UMAD1: variants seen among roughly 807,000 people sequenced by gnomAD.
UMAD1 encodes UBAP1-MVB12-associated (UMA) domain containing 1, also known as UBAP1-MVB12-associated (UMA)-domain containing protein 1.
Under a neutral mutation model 6.1 loss-of-function variants are expected in UMAD1, and 8 were observed. The observed-to-expected ratio is 1.30, with a 90% CI of 0.76 to 2.35. The LOEUF (loss-of-function observed/expected upper bound fraction) is 2.35, where lower values mean the gene tolerates loss of function less well. UMAD1 is among the 30% of genes most tolerant of loss of function. The probability of loss-of-function intolerance (pLI) is 0.00; values close to 1 mark genes in which losing one functional copy is unlikely to be tolerated. For missense variants in UMAD1, 130 were observed against 78.4 expected (o/e 1.66, Z -2.49); for synonymous variants, 56 against 31.4 (o/e 1.78, Z -2.61).
chr7:7,784,552 A>G (rs1260460726), intron 2 of UMAD1, among the ~76,000 whole-genome samples: 1 of 149,998 alleles, frequency 6.7e-6, no homozygotes, highest in African/African-American at 2.5e-5. Context: ...TCACTGTGTT[A>G]GCCAGGATGG....
At chr7:7,801,875 C>A in intron 3 of UMAD1, 132 bp downstream of exon 3, 1 of 624,372 alleles carries the variant, frequency 1.6e-6, no homozygotes, top group South Asian at 2.0e-5. Flanking sequence ...AACAAGTGGT[C>A]TGCTGAAAGT....
At chr7:7,779,176 AGGTTATCCT>A (rs1782290430) in intron 2 of UMAD1, among the ~76,000 whole-genome samples, 2 of 152,230 alleles carry the variant, frequency 1.3e-5, no homozygotes, top group South Asian at 4.1e-4. Context: ...AGTGAGAGAT[AGGTTATCCT>A]CTGGCTCAAA....
intron 1 of UMAD1, among the ~76,000 whole-genome samples, chr7:7,644,550 C>T (rs886353914): frequency 6.6e-6 from 1 of 152,120 alleles, no homozygotes; most frequent in Non-Finnish European, 1.5e-5. Context: ...CTAGAATTCA[C>T]TCTTCATGTA....
intron 1 of UMAD1, among the ~76,000 whole-genome samples, chr7:7,660,255 A>G (rs529987503): frequency 8.7e-4 from 132 of 152,192 alleles, no homozygotes; most frequent in African/African-American, 2.8e-3. Flanking sequence ...TCTTTATCCA[A>G]TTTGCCAGTC....
intron 1 of UMAD1, among the ~76,000 whole-genome samples, chr7:7,648,144 T>C (rs949184839): frequency 1.3e-5 from 2 of 152,210 alleles, no homozygotes; most frequent in Admixed American, 1.3e-4. Flanking sequence ...AGTGGCCTCC[T>C]TCTTCTTAAA....
chr7:7,656,365 G>C (rs1212389360), intron 1 of UMAD1, among the ~76,000 whole-genome samples: 1 of 150,482 alleles, frequency 6.6e-6, no homozygotes, highest in African/African-American at 2.4e-5. Flanking sequence ...TGTACAGAAC[G>C]TGCAGGTTTG....
intron 1 of UMAD1, among the ~76,000 whole-genome samples, chr7:7,655,560 C>T (rs1785320391): frequency 6.6e-6 from 1 of 152,096 alleles, no homozygotes; most frequent in African/African-American, 2.4e-5. Flanking sequence ...AGTATTTTAG[C>T]TGTGCTGTTT....
At chr7:7,724,012 G>A (rs1390128170) in intron 2 of UMAD1, among the ~76,000 whole-genome samples, 1 of 152,120 alleles carries the variant, frequency 6.6e-6, no homozygotes, top group Non-Finnish European at 1.5e-5. Flanking sequence ...TTCCAGAATT[G>A]AGCCAGTTTA....
At chr7:7,840,181 G>A (rs1783650985) in intron 3 of UMAD1, among the ~76,000 whole-genome samples, 2 of 152,124 alleles carry the variant, frequency 1.3e-5, no homozygotes, top group African/African-American at 4.8e-5. Context: ...AGGTAAATAG[G>A]GTTCTGGGGT....
chr7:7,743,244 A>G (rs529862654), intron 2 of UMAD1, among the ~76,000 whole-genome samples: 1 of 152,314 alleles, frequency 6.6e-6, no homozygotes, highest in African/African-American at 2.4e-5. Context: ...GATAAAATGT[A>G]GTGTGAATTG....
chr7:7,779,503 T>C (rs1296582321), intron 2 of UMAD1, among the ~76,000 whole-genome samples: 1 of 152,186 alleles, frequency 6.6e-6, no homozygotes, highest in Non-Finnish European at 1.5e-5. Flanking sequence ...AATCTTGGCC[T>C]TAAGTGATCC....
At chr7:7,710,220 C>T (rs1405682598) in intron 2 of UMAD1, among the ~76,000 whole-genome samples, 1 of 151,662 alleles carries the variant, frequency 6.6e-6, no homozygotes, top group Non-Finnish European at 1.5e-5. Context: ...TTTTGTTTTC[C>T]TAAAAACAGT....
At chr7:7,708,938 TGAGAGAGAGAGAGGGA>T (rs1780678526) in intron 2 of UMAD1, among the ~76,000 whole-genome samples, 1 of 150,552 alleles carries the variant, frequency 6.6e-6, no homozygotes, top group Non-Finnish European at 1.5e-5. Flanking sequence ...TGTGTGTGTG[TGAGAGAGAGAGAGGGA>T]GAGAGAGAGA....
chr7:7,845,018 A>G (rs73057755), intron 3 of UMAD1, among the ~76,000 whole-genome samples: 45,926 of 151,982 alleles, frequency 0.3, 7,606 homozygotes, highest in Non-Finnish European at 0.37. Context: ...ATTACATAAT[A>G]GACTTCTAGG....
At chr7:7,769,899 C>T (rs1004608795) in intron 2 of UMAD1, among the ~76,000 whole-genome samples, 7 of 152,160 alleles carry the variant, frequency 4.6e-5, no homozygotes, top group African/African-American at 1.4e-4. Context: ...ACACTCTTCC[C>T]GCTTCTCCTG....
intron 2 of UMAD1, among the ~76,000 whole-genome samples, chr7:7,689,171 G>C (rs1780111981): frequency 1.3e-5 from 2 of 152,066 alleles, no homozygotes; most frequent in Admixed American, 1.3e-4. Context: ...ATTGGCTTAG[G>C]AATGGGCACC....
intron 3 of UMAD1, among the ~76,000 whole-genome samples, chr7:7,835,079 G>A (rs79131252): frequency 0.03 from 4,520 of 152,268 alleles, 112 homozygotes; most frequent in African/African-American, 0.056. Flanking sequence ...TTTACAGTTC[G>A]AGGTGAGATT....
chr7:7,872,324 G>T (rs1475842721), intron 3 of UMAD1, among the ~76,000 whole-genome samples: 5 of 152,134 alleles, frequency 3.3e-5, no homozygotes, highest in Non-Finnish European at 5.9e-5. Context: ...CTAAACAAAT[G>T]TACATGTCTT....
intron 2 of UMAD1, among the ~76,000 whole-genome samples, chr7:7,721,967 C>T (rs1391114850): frequency 6.6e-6 from 1 of 152,070 alleles, no homozygotes; most frequent in Non-Finnish European, 1.5e-5. Context: ...CGTGAAAAGG[C>T]TAGACTGGCT....
Sources: gnomAD v4.1 joint callset for allele counts (sites outside exome capture counted in the v4.1 genomes callset) on GRCh38, gnomAD v4.1.1 for gene constraint, MANE v1.5 for transcripts, NCBI Gene and HGNC (gene_info 2026-07-23, HGNC 2026-07-21) for gene names.